The following HEPHL1 variants were observed in gnomAD, a reference collection of about 807,000 sequenced individuals.
HEPHL1 encodes ferroxidase HEPHL1.
In HEPHL1, 123 loss-of-function variants were observed where a neutral mutation model predicts 122.0. That is an observed-to-expected ratio of 1.01 (90% CI 0.87 to 1.17). The LOEUF is 1.17. Among genes scored for constraint, HEPHL1 ranks in the 50% most tolerant of loss-of-function variants. The probability of loss-of-function intolerance (pLI) is 0.00; values close to 1 mark genes in which losing one functional copy is unlikely to be tolerated. For synonymous variants in HEPHL1, 527 were observed against 508.9 expected (o/e 1.04, Z -0.48); for missense variants, 1,452 against 1,430.5 (o/e 1.01, Z -0.24).
At chr11:94,063,285 C>T (rs903048409) in intron 2 of HEPHL1, among the ~76,000 whole-genome samples, 5 of 152,208 alleles carry the variant, frequency 3.3e-5, no homozygotes, top group Middle Eastern at 3.4e-3. Flanking sequence ...TATACATTGC[C>T]TCATTTAGTT....
At chr11:94,077,171 C>T (rs1359827233) in intron 9 of HEPHL1, among the ~76,000 whole-genome samples, 1 of 152,174 alleles carries the variant, frequency 6.6e-6, no homozygotes, top group Non-Finnish European at 1.5e-5. Context: ...CAAGGACCCT[C>T]TCTGACATAA....
At chr11:94,032,403 C>T (rs762538966) in intron 1 of HEPHL1, among the ~76,000 whole-genome samples, 2 of 152,232 alleles carry the variant, frequency 1.3e-5, no homozygotes, top group Non-Finnish European at 2.9e-5. Flanking sequence ...GCTGGCTAGA[C>T]AGCGGGAGTG....
chr11:94,110,800 C>T (rs1456774017), intron 17 of HEPHL1, 103 bp from the exon 18 acceptor site: 3 of 843,890 alleles, frequency 3.6e-6, no homozygotes, highest in Admixed American at 2.7e-5. Flanking sequence ...TATGTCCTTC[C>T]TTTTGCTTAC....
rs1341107854 is a variant in HEPHL1, at chr11:94,070,562, GT to G, written c.1232+23del. ...TGGCAGGTAAGCACCCTTTGTTGGT[GT>G]TTCTAAGCCTCTCGTCAGAGAAGCA... is the stretch of plus-strand genomic sequence containing the variant. On this transcript the variant is annotated intron_variant, in intron 6 of 19. Coordinates refer to ENST00000315765, the MANE Select transcript of HEPHL1 (RefSeq NM_001098672.2). The G allele has an allele frequency of 2.5e-6, 4 of 1,586,260 alleles. No homozygotes were observed. In the African/African-American group the frequency reaches 5.4e-5, roughly 21 times the overall value.
chr11:94,028,506 C>T (rs963925361), intron 1 of HEPHL1, among the ~76,000 whole-genome samples: 2 of 152,144 alleles, frequency 1.3e-5, no homozygotes, highest in African/African-American at 4.8e-5. Context: ...AAGATATCTC[C>T]ATCCACAGGA....
intron 13 of HEPHL1, among the ~76,000 whole-genome samples, chr11:94,098,421 C>A (rs1180420903): frequency 6.6e-6 from 1 of 152,176 alleles, no homozygotes; most frequent in Admixed American, 6.5e-5. Flanking sequence ...GGTAACCCGA[C>A]CTTTCTCTCT....
intron 12 of HEPHL1, 110 bp from the exon 13 acceptor site, chr11:94,093,391 C>T: frequency 8.0e-7 from 1 of 1,252,768 alleles, no homozygotes; most frequent in Non-Finnish European, 1.1e-6. Flanking sequence ...AGCACTTGAT[C>T]ACAGCCAGGT....
chr11:94,050,896 AC>A (rs541882789), intron 2 of HEPHL1, among the ~76,000 whole-genome samples: 17 of 152,208 alleles, frequency 1.1e-4, no homozygotes, highest in African/African-American at 3.9e-4. Context: ...GTTCCCACAA[AC>A]AAGTGAGAAC....
chr11:94,051,368 T>C (rs2399775), intron 2 of HEPHL1, among the ~76,000 whole-genome samples: 144,154 of 152,122 alleles, frequency 0.95, 68,812 homozygotes, highest in East Asian at 1. Flanking sequence ...GAGAATATCA[T>C]GTTGTAGTTT....
In HEPHL1 at chr11:94,024,103, C is replaced by T. The variant is rs567623065; in HGVS notation, c.170+2565C>T. On this transcript the variant is annotated intron_variant, in intron 1 of 19. Coordinates refer to ENST00000315765, the MANE Select transcript of HEPHL1 (RefSeq NM_001098672.2). ...CTCAGCCTCCTGGAGGGTGAATAGG[C>T]TGCCTTTCTGAGGACAGTCTGTTGT... 2.6e-5 allele frequency among the ~76,000 whole-genome samples: 4 copies of T among 152,272 alleles called. No homozygotes were observed. The South Asian group carries it at 6.2e-4, about 24-fold the overall frequency.
rs769267363 is a variant in HEPHL1, at chr11:94,088,954, C to T, written c.2280C>T (p.Asp760=). The T allele has an allele frequency of 3.7e-6, 6 of 1,613,756 alleles. No homozygotes were observed. The highest frequency in any genetic ancestry group is 4.2e-6 in the Non-Finnish European group (5 of 1,179,836). Residue 760 remains aspartate, a synonymous_variant, in exon 12 of 20, where the codon GAC becomes GAT. Transcript: ENST00000315765. ...KNWEFEKQHV[D]ARGERHGDIF... ...GGGAGTTCGAAAAGCAGCACGTGGA[C>T]GCAAGAGGGGAAAGGTACCACAGGC...
At chr11:94,052,721 A>G (rs1000417850) in intron 2 of HEPHL1, among the ~76,000 whole-genome samples, 1 of 151,988 alleles carries the variant, frequency 6.6e-6, no homozygotes, top group African/African-American at 2.4e-5. Flanking sequence ...TTCTGTATCC[A>G]TTGAGATGGT....
chr11:94,069,087 A>G (rs555413918), intron 5 of HEPHL1, among the ~76,000 whole-genome samples: 11 of 152,312 alleles, frequency 7.2e-5, no homozygotes, highest in Admixed American at 1.3e-4. Flanking sequence ...AAAGAGTCTT[A>G]TGCTGTTAAA....
At chr11:94,089,608 C>T (rs1946248585) in intron 12 of HEPHL1, among the ~76,000 whole-genome samples, 1 of 152,134 alleles carries the variant, frequency 6.6e-6, no homozygotes, top group African/African-American at 2.4e-5. Flanking sequence ...TCCTCCAGGG[C>T]GCTAAGCCCA....
chr11:94,031,108 C>CT (rs1410950211), intron 1 of HEPHL1, among the ~76,000 whole-genome samples: 10 of 151,170 alleles, frequency 6.6e-5, no homozygotes, highest in Non-Finnish European at 1.0e-4. Context: ...CATGGGTCTT[C>CT]TTTTTTTTTC....
At chr11:94,079,218 C>T (rs534017874) in intron 9 of HEPHL1, among the ~76,000 whole-genome samples, 10 of 152,328 alleles carry the variant, frequency 6.6e-5, no homozygotes, top group South Asian at 6.2e-4. Flanking sequence ...ATTACCCTCA[C>T]GTTGCAAGTG....
Position 94,021,440 on chromosome 11 carries a change from A to G in HEPHL1, c.72A>G (p.Thr24=), listed in dbSNP as rs757785787. The change falls in exon 1 of 20, where the codon ACA becomes ACG. Residue 24 remains threonine, a synonymous_variant. Transcript: ENST00000315765. ...TGGGTCTGTCTGGGCTGGTTGGCAC[A>G]GTTACCAGAACGTACTACATTGGGA... is the stretch of plus-strand genomic sequence containing the variant. ...TFLGLSGLVG[T]VTRTYYIGIV... The G allele has an allele frequency of 6.2e-7, 1 of 1,613,614 alleles. No homozygotes were observed. The highest frequency in any genetic ancestry group is 2.2e-5 in the East Asian group (1 of 44,872).
At chr11:94,045,406 A>G (rs895566225) in intron 1 of HEPHL1, among the ~76,000 whole-genome samples, 1 of 152,216 alleles carries the variant, frequency 6.6e-6, no homozygotes, top group African/African-American at 2.4e-5. Flanking sequence ...GGAAAGGGGC[A>G]AATTTGTAGT....
chr11:94,106,530 C>T (rs982422984), intron 17 of HEPHL1, among the ~76,000 whole-genome samples: 1 of 151,848 alleles, frequency 6.6e-6, no homozygotes, highest in Admixed American at 6.6e-5. Context: ...CTCCTGACCT[C>T]GTGATCTGCC....
Sources: allele counts gnomAD v4.1 joint callset (sites outside exome capture counted in the v4.1 genomes callset), GRCh38; gene constraint gnomAD v4.1.1; transcripts MANE v1.5; gene names NCBI Gene and HGNC (gene_info 2026-07-23, HGNC 2026-07-21).